Variants in KCNN2 observed in about 807,000 individuals in gnomAD.
KCNN2 encodes the protein small conductance calcium-activated potassium channel protein 2.
A neutral mutation model predicts 55.5 loss-of-function variants in KCNN2; 24 were observed. That is an observed-to-expected ratio of 0.43 (90% confidence interval 0.31 to 0.61). The LOEUF is 0.61. Ranked by LOEUF, KCNN2 falls within the 20% of genes least tolerant of loss-of-function variation. KCNN2 has a pLI of 0.08. For synonymous variants in KCNN2, 431 were observed against 336.1 expected, an observed-to-expected ratio of 1.28 and a Z score of -3.09; for missense variants, 754 against 853.6, an observed-to-expected ratio of 0.88 and a Z score of 1.45.
intron 1 of KCNN2, among the ~76,000 whole-genome samples, chr5:114,082,254 G>T (rs1750842706): frequency 6.6e-6 from 1 of 151,730 alleles, no homozygotes; most frequent in African/African-American, 2.4e-5. Flanking sequence ...AGCCCAGGAG[G>T]TCAAGGCCAC....
At chr5:114,394,066 G>C (rs1414876546) in intron 2 of KCNN2, among the ~76,000 whole-genome samples, 1 of 152,118 alleles carries the variant, frequency 6.6e-6, no homozygotes, top group African/African-American at 2.4e-5. Context: ...GAGAATGTAT[G>C]CTTATAACCT....
intron 3 of KCNN2, among the ~76,000 whole-genome samples, chr5:114,459,651 A>G (rs980239181): frequency 3.0e-4 from 46 of 152,214 alleles, no homozygotes; most frequent in African/African-American, 1.1e-3. Flanking sequence ...TGAGTGCAAC[A>G]TAAACATTAG....
At chr5:114,391,233 C>G (rs538692684) in intron 2 of KCNN2, among the ~76,000 whole-genome samples, 1 of 152,074 alleles carries the variant, frequency 6.6e-6, no homozygotes, top group Non-Finnish European at 1.5e-5. Flanking sequence ...ATTTTCCCAT[C>G]TTTATATCGC....
intron 1 of KCNN2, among the ~76,000 whole-genome samples, chr5:114,064,812 T>C (rs1750410671): frequency 6.6e-6 from 1 of 152,148 alleles, no homozygotes; most frequent in Non-Finnish European, 1.5e-5. Flanking sequence ...TGTGTTACTG[T>C]ATATTAGAAG....
At chr5:114,452,740 C>T (rs2150106115) in intron 3 of KCNN2, among the ~76,000 whole-genome samples, 1 of 152,272 alleles carries the variant, frequency 6.6e-6, no homozygotes, top group Middle Eastern at 3.4e-3. Context: ...CAATATGCAG[C>T]TACAGGTGAA....
chr5:114,235,548 A>G (rs1754472443), intron 2 of KCNN2, among the ~76,000 whole-genome samples: 1 of 152,240 alleles, frequency 6.6e-6, no homozygotes, highest in African/African-American at 2.4e-5. Context: ...TATAGTTTAG[A>G]ACTATACATT....
At chr5:114,102,450 T>G (rs776127760) in intron 1 of KCNN2, among the ~76,000 whole-genome samples, 7 of 152,058 alleles carry the variant, frequency 4.6e-5, no homozygotes, top group African/African-American at 1.7e-4. Flanking sequence ...ATTAGATCCC[T>G]TTTGTCAATT....
At chr5:114,442,121 G>C (rs1343196553) in intron 3 of KCNN2, among the ~76,000 whole-genome samples, 2 of 152,046 alleles carry the variant, frequency 1.3e-5, no homozygotes, top group African/African-American at 4.8e-5. Context: ...TTCCTGGTTA[G>C]GAACAGGATA....
intron 2 of KCNN2, among the ~76,000 whole-genome samples, chr5:114,292,011 A>T (rs1484198758): frequency 6.6e-6 from 1 of 151,560 alleles, no homozygotes; most frequent in Non-Finnish European, 1.5e-5. Context: ...GTCTGTTCAT[A>T]TCCTTCACCC....
At chr5:114,272,404 TG>T (rs1755366174) in intron 2 of KCNN2, among the ~76,000 whole-genome samples, 2 of 133,966 alleles carry the variant, frequency 1.5e-5, no homozygotes, top group African/African-American at 6.6e-5. Context: ...CATATATGTA[TG>T]TACATATCTA....
chr5:114,180,819 C>T (rs1351187487), intron 1 of KCNN2, among the ~76,000 whole-genome samples: 3 of 152,148 alleles, frequency 2.0e-5, no homozygotes, highest in Non-Finnish European at 4.4e-5. Context: ...CAGAGACAAC[C>T]ACTGATCTGA....
intron 2 of KCNN2, among the ~76,000 whole-genome samples, chr5:114,242,773 T>C (rs1219794512): frequency 6.6e-6 from 1 of 152,192 alleles, no homozygotes; most frequent in African/African-American, 2.4e-5. Context: ...GAGAATGCAA[T>C]ATAGGGAAGA....
At chr5:114,370,419 T>G (rs1460290058) in intron 2 of KCNN2, among the ~76,000 whole-genome samples, 1 of 152,154 alleles carries the variant, frequency 6.6e-6, no homozygotes, top group Non-Finnish European at 1.5e-5. Flanking sequence ...GGAGCTGATA[T>G]TCCAAGGAGG....
chr5:114,419,086 T>C (rs1321657352), intron 3 of KCNN2, among the ~76,000 whole-genome samples: 1 of 152,252 alleles, frequency 6.6e-6, no homozygotes. Flanking sequence ...TTGTCTTAAT[T>C]TGTGCTTCTT....
At chr5:114,178,772 C>T (rs957883913) in intron 1 of KCNN2, among the ~76,000 whole-genome samples, 1 of 152,132 alleles carries the variant, frequency 6.6e-6, no homozygotes, top group African/African-American at 2.4e-5. Flanking sequence ...GTTAGGGTTT[C>T]ATTTGTCATT....
chr5:114,165,960 C>T (rs1355569892), intron 1 of KCNN2, among the ~76,000 whole-genome samples: 1 of 152,074 alleles, frequency 6.6e-6, no homozygotes, highest in Admixed American at 6.6e-5. Flanking sequence ...TTTTTTCTTA[C>T]TGACTTTGCT....
Position 114,363,006 on chromosome 5 carries a change from C to A in KCNN2, c.867C>A (p.Asn289Lys). 1 of 1,597,564 alleles carries A rather than the reference C, an allele frequency of 6.3e-7. No homozygotes were observed. Among genetic ancestry groups the A allele is most frequent in the Non-Finnish European group, 8.5e-7 (1 of 1,175,662 alleles). ...VVSKPEHNNS[N>K]NLALYGTGGG... ...CTAAGCCCGAGCACAACAACTCCAA[C>A]AACCTGGCGCTCTATGGAACCGGCG... The change falls in exon 1 of 8, where the codon AAC (asparagine) becomes AAA (lysine). Residue 289 changes from asparagine to lysine, a missense_variant. Asn to Lys is a moderately conservative substitution (Grantham distance 94). This residue lies in a region of KCNN2 where 381 missense variants were observed against 259.1 expected (regional missense o/e 1.47). Coordinates refer to ENST00000673685, the MANE Select transcript of KCNN2 (RefSeq NM_021614.4).
intron 2 of KCNN2, among the ~76,000 whole-genome samples, chr5:114,312,386 TACACACACACACACACACACAC>T (rs70976336): frequency 5.8e-5 from 3 of 51,840 alleles, no homozygotes; most frequent in East Asian, 6.9e-4. Context: ...AAAAAGGAGA[TACACACACACACACACACACAC>T]ACACACACAC....
intron 1 of KCNN2, among the ~76,000 whole-genome samples, chr5:114,080,463 T>C (rs541171843): frequency 6.6e-6 from 1 of 152,328 alleles, no homozygotes; most frequent in Admixed American, 6.5e-5. Flanking sequence ...ATACATTTAA[T>C]TTATTTGGTA....
Sources: allele counts gnomAD v4.1 joint callset (sites outside exome capture counted in the v4.1 genomes callset), GRCh38; gene constraint gnomAD v4.1.1; regional missense constraint gnomAD v4.1.1; transcripts MANE v1.5; gene names NCBI Gene and HGNC (gene_info 2026-07-23, HGNC 2026-07-21).